Variants in MBD5 observed in about 807,000 individuals in gnomAD.
MBD5 encodes methyl-CpG binding domain protein 5.
In MBD5, 13 loss-of-function variants were observed where a neutral mutation model predicts 117.3. The ratio of observed to expected loss-of-function variants is 0.11; its 90% CI spans 0.07 to 0.18. MBD5 has a LOEUF of 0.18. MBD5 is among the 10% of genes least tolerant of loss of function. The probability of loss-of-function intolerance (pLI) is 1.00; values close to 1 mark genes in which losing one functional copy is unlikely to be tolerated. For synonymous variants in MBD5, 727 were observed against 766.4 expected, an observed-to-expected ratio of 0.95 and a Z score of 0.85; for missense variants, 1,879 against 2,093.8, an observed-to-expected ratio of 0.90 and a Z score of 2.00.
intron 3 of MBD5, among the ~76,000 whole-genome samples, chr2:148,248,550 CAAGGCATCATGA>C (rs1700390933): frequency 6.6e-6 from 1 of 151,806 alleles, no homozygotes; most frequent in Non-Finnish European, 1.5e-5. Flanking sequence ...AATTAAAAAC[CAAGGCATCATGA>C]ATGAGTGTCA....
intron 3 of MBD5, among the ~76,000 whole-genome samples, chr2:148,339,154 G>A (rs993274758): frequency 2.6e-5 from 4 of 152,098 alleles, no homozygotes; most frequent in South Asian, 2.1e-4. Context: ...TCTTGGCACC[G>A]GACATACATA....
chr2:148,424,536 T>G (rs1032113645), intron 4 of MBD5, among the ~76,000 whole-genome samples: 5 of 151,672 alleles, frequency 3.3e-5, no homozygotes, highest in African/African-American at 1.2e-4. Context: ...AAGGCAACTT[T>G]ATAGACATCT....
intron 3 of MBD5, among the ~76,000 whole-genome samples, chr2:148,299,134 CTT>C (rs201352160): frequency 1.4e-5 from 2 of 146,290 alleles, no homozygotes. Flanking sequence ...AAAGAACTTT[CTT>C]TTTTTTTTTT....
chr2:148,506,428 A>C (rs1159481339), intron 12 of MBD5, among the ~76,000 whole-genome samples: 1 of 152,242 alleles, frequency 6.6e-6, no homozygotes, highest in Non-Finnish European at 1.5e-5. Flanking sequence ...AAACCAAGGA[A>C]TGATACTTAC....
At chr2:148,401,677 A>G (rs1704925741) in intron 4 of MBD5, among the ~76,000 whole-genome samples, 1 of 152,142 alleles carries the variant, frequency 6.6e-6, no homozygotes, top group South Asian at 2.1e-4. Flanking sequence ...TAATGTTAAC[A>G]TCCTGCCTAA....
In MBD5 at chr2:148,314,376, G is replaced by T. The variant is rs915039553; in HGVS notation, c.-679-27838G>T. 2.8e-3 allele frequency among the ~76,000 whole-genome samples: 294 copies of T among 106,602 alleles called. 1 individual carries two copies. Among genetic ancestry groups the T allele is most frequent in the Non-Finnish European group, 4.0e-3 (219 of 54,876 alleles). The allele number at this position is 106,602 out of a possible 152,430, so 69.9% of individuals were successfully genotyped here. A position where few individuals can be genotyped will look rare whatever the true frequency, so the allele number is the denominator to read the frequency against. On this transcript the variant is annotated intron_variant, in intron 3 of 13. Transcript: ENST00000642680. ...CAGCAATTAATGTTTCAGTGTTATG[G>T]TTTTTTTTTTTTTTTTTTTGAGACA...
intron 3 of MBD5, among the ~76,000 whole-genome samples, chr2:148,290,798 G>T (rs1014942882): frequency 1.3e-5 from 2 of 151,962 alleles, no homozygotes; most frequent in Non-Finnish European, 2.9e-5. Context: ...TTTAGCTATA[G>T]TGAATAATAA....
intron 4 of MBD5, among the ~76,000 whole-genome samples, chr2:148,429,921 C>T (rs1205198973): frequency 6.6e-6 from 1 of 152,024 alleles, no homozygotes; most frequent in Non-Finnish European, 1.5e-5. Flanking sequence ...GTGCAGCAAA[C>T]CACCATGGCA....
intron 3 of MBD5, among the ~76,000 whole-genome samples, chr2:148,322,979 A>G (rs10199464): frequency 0.23 from 30,543 of 133,740 alleles, 4,205 homozygotes; most frequent in Admixed American, 0.27. Flanking sequence ...ATATCTCCCA[A>G]TGCTATCCCT....
Position 148,464,799 on chromosome 2 carries a change from AT to A in MBD5, c.397+883del, listed in dbSNP as rs1250677572. 8.0e-4 allele frequency among the ~76,000 whole-genome samples: 29 copies of A among 36,148 alleles called. 1 individual carries two copies. The highest frequency in any genetic ancestry group is 2.2e-3 in the East Asian group (1 of 446). The allele number at this position is 36,148 out of a possible 152,430, so 23.7% of individuals were successfully genotyped here. A position where few individuals can be genotyped will look rare whatever the true frequency, so the allele number is the denominator to read the frequency against. Reference sequence around the variant, plus strand: ...TACAGCAAGACCTGTCTCTAAAATAATTTAAAAAAAAAAAAAAAACTAGCCA... The same window carrying A: ...TACAGCAAGACCTGTCTCTAAAATAATTAAAAAAAAAAAAAAAACTAGCCA... On this transcript the variant is annotated intron_variant, in intron 7 of 13. Transcript: ENST00000642680.
intron 13 of MBD5, 82 bp from the exon 14 acceptor site, chr2:148,512,788 C>T: frequency 1.6e-6 from 2 of 1,274,874 alleles, no homozygotes; most frequent in South Asian, 2.4e-5. Context: ...ATTCCCTACC[C>T]TGCTCCTTTG....
At chr2:148,427,944 A>T (rs1434078837) in intron 4 of MBD5, among the ~76,000 whole-genome samples, 1 of 152,146 alleles carries the variant, frequency 6.6e-6, no homozygotes, top group Non-Finnish European at 1.5e-5. Flanking sequence ...CAAGACAAGG[A>T]TGCCCTCTCT....
intron 4 of MBD5, among the ~76,000 whole-genome samples, chr2:148,381,499 G>C (rs534026048): frequency 7.9e-5 from 12 of 152,338 alleles, no homozygotes; most frequent in Non-Finnish European, 1.6e-4. Flanking sequence ...ACCTGAAAGT[G>C]ACGGGGAGAT....
chr2:148,377,026 T>C (rs1018854943), intron 4 of MBD5, among the ~76,000 whole-genome samples: 11 of 150,060 alleles, frequency 7.3e-5, no homozygotes, highest in East Asian at 3.9e-4. Context: ...GGGATATGTA[T>C]ACAGATATAT....
At chr2:148,056,976 C>T (rs1381795396) in intron 1 of MBD5, among the ~76,000 whole-genome samples, 1 of 151,698 alleles carries the variant, frequency 6.6e-6, no homozygotes, top group Non-Finnish European at 1.5e-5. Context: ...ACGAATTCAT[C>T]TAAGTCATCT....
At chr2:148,377,663 A>G (rs1328208982) in intron 4 of MBD5, among the ~76,000 whole-genome samples, 1 of 152,180 alleles carries the variant, frequency 6.6e-6, no homozygotes, top group Non-Finnish European at 1.5e-5. Context: ...AATTATATAA[A>G]TCTAAAGAGG....
Position 148,345,478 on chromosome 2 carries a change from CAT to C in MBD5, c.-557+3146_-557+3147del, listed in dbSNP as rs1559033192. Among the ~76,000 whole-genome samples the C allele has an allele frequency of 1.1e-4, 9 of 80,864 alleles. 2 individuals carry two copies. Among genetic ancestry groups the C allele is most frequent in the Non-Finnish European group, 2.4e-4 (9 of 37,114 alleles). 53.0% of individuals were successfully genotyped at this position (80,864 alleles called of 152,430 possible). The stretch of plus-strand genomic sequence containing the variant: ...ACATATACATATGTATATACACATA[CAT>C]ATACATATGTATATACACATACATA... On this transcript the variant is annotated intron_variant, in intron 4 of 13. Transcript: ENST00000642680.
intron 1 of MBD5, among the ~76,000 whole-genome samples, chr2:148,178,156 T>A (rs1330797673): frequency 6.6e-6 from 1 of 150,916 alleles, no homozygotes; most frequent in Admixed American, 6.6e-5. Context: ...TTTAAAGGGC[T>A]TTTTTTTTAT....
At chr2:148,172,659 G>A (rs1698289627) in intron 1 of MBD5, among the ~76,000 whole-genome samples, 2 of 152,174 alleles carry the variant, frequency 1.3e-5, no homozygotes. Flanking sequence ...GTGCTAGGCT[G>A]TTAGTTCCAG....
Sources: allele counts gnomAD v4.1 joint callset (sites outside exome capture counted in the v4.1 genomes callset), GRCh38; gene constraint gnomAD v4.1.1; transcripts MANE v1.5; gene names NCBI Gene and HGNC (gene_info 2026-07-23, HGNC 2026-07-21).